The following SMPD4 variants were observed in gnomAD, a reference collection of about 807,000 sequenced individuals.
SMPD4 encodes the protein neutral sphingomyelinase 3.
Under a neutral mutation model 97.8 loss-of-function variants are expected in SMPD4, and 58 were observed. The ratio of observed to expected loss-of-function variants is 0.59; its 90% confidence interval spans 0.48 to 0.74. The LOEUF (loss-of-function observed/expected upper bound fraction) is 0.74. Among genes scored for constraint, SMPD4 ranks in the 30% least tolerant of loss-of-function variants. The probability of loss-of-function intolerance (pLI) is 0.00; values close to 1 mark genes in which losing one functional copy is unlikely to be tolerated. For missense variants in SMPD4, 853 were observed against 1,080.5 expected (o/e 0.79, Z 2.95); for synonymous variants, 388 against 450.0 (o/e 0.86, Z 1.74).
chr2:130,177,143 C>T (rs543913411), intron 1 of SMPD4, among the ~76,000 whole-genome samples: 2 of 152,316 alleles, frequency 1.3e-5, no homozygotes, highest in South Asian at 2.1e-4. Flanking sequence ...TACAGTGGTG[C>T]GATCATAGCT....
chr2:130,161,157 C>T (rs1191867876), intron 11 of SMPD4, 29 bp downstream of exon 11: 5 of 1,607,718 alleles, frequency 3.1e-6, no homozygotes, highest in Non-Finnish European at 3.4e-6. Context: ...GCACTCTGGG[C>T]AGGAGGAAGG....
Position 130,153,326 on chromosome 2 carries a change from C to T in SMPD4, c.2018G>A (p.Arg673Gln), listed in dbSNP as rs765167051. 19 of 1,613,692 alleles carry T rather than the reference C, an allele frequency of 1.2e-5. No individual in the cohort carries two copies. The highest frequency in any genetic ancestry group is 4.5e-5 in the East Asian group (2 of 44,882). The change falls in exon 18 of 20, where the codon CGG becomes CAG. Residue 673 changes from arginine (R) to glutamine (Q), a missense_variant. By Grantham distance (43) the Arg-to-Gln change is conservative. Transcript: ENST00000680298. ...GAGACACGGGCCTCTCACCTGGTAC[C>T]GCCCCAGGGGCGTAAGGATGAGTCC... ...EDGLILTPLG[R>Q]YQIINGLRRF...
Position 130,161,168 on chromosome 2 carries a change from G to A in SMPD4, c.951+18C>T, listed in dbSNP as rs764676498. 3.7e-6 allele frequency: 6 copies of A among 1,610,712 alleles called. 1 individual carries two copies. The South Asian group carries it at 4.4e-5, about 12-fold the overall frequency. ...ACATGCACTCTGGGCAGGAGGAAGG[G>A]AACGAATGAGCCAGTACTTGGTAGG... On this transcript the variant is annotated intron_variant, in intron 11 of 19. Transcript: ENST00000680298.
At chr2:130,181,147 G>A (rs1689562190) in intron 1 of SMPD4, 1 of 567,350 alleles carries the variant, frequency 1.8e-6, no homozygotes, top group African/African-American at 2.0e-5. Flanking sequence ...AAGGCTCGGA[G>A]ATGTGGAGCA....
intron 4 of SMPD4, 31 bp downstream of exon 4, chr2:130,173,483 C>T (rs373961481): frequency 6.3e-7 from 1 of 1,587,668 alleles, no homozygotes; most frequent in South Asian, 1.2e-5. Flanking sequence ...GAGGAATCAC[C>T]CAGCCTCTCT....
intron 1 of SMPD4, among the ~76,000 whole-genome samples, chr2:130,179,376 C>G (rs1176155247): frequency 1.3e-5 from 2 of 152,124 alleles, no homozygotes; most frequent in African/African-American, 4.8e-5. Flanking sequence ...CTGCCTCGGC[C>G]TCCCAAAGTG....
chr2:130,152,637 G>T lies in SMPD4; in HGVS notation c.2402C>A (p.Thr801Lys), dbSNP rs774625579. 1 of 1,559,398 alleles carries T rather than the reference G, an allele frequency of 6.4e-7. No homozygotes were observed. Among genetic ancestry groups the T allele is most frequent in the Non-Finnish European group, 8.7e-7 (1 of 1,152,490 alleles). Reference sequence around the variant, plus strand: ...GACATAGCCCAGGGTGAGCAGCAGCGTGCATGGGAGGGGCCCGACGCAGAA... The same window carrying T: ...GACATAGCCCAGGGTGAGCAGCAGCTTGCATGGGAGGGGCCCGACGCAGAA... ...SLFCVGPLPC[T>K]LLLTLGYVLY... The change falls in exon 20 of 20, where the codon ACG becomes AAG. Residue 801 changes from threonine to lysine, a missense_variant. Around this residue, in one of 3 missense-constraint regions of SMPD4, gnomAD observed 511 missense variants for 608.1 expected, o/e 0.84. Coordinates refer to ENST00000680298, the MANE Select transcript of SMPD4 (RefSeq NM_017951.5).
chr2:130,166,579 T>C (rs1687949238), intron 9 of SMPD4, among the ~76,000 whole-genome samples: 3 of 152,142 alleles, frequency 2.0e-5, no homozygotes, highest in Non-Finnish European at 1.5e-5. Context: ...ACATATAAGA[T>C]GGGAGATAGA....
intron 10 of SMPD4, 47 bp downstream of exon 10, chr2:130,164,327 T>A (rs750484822): frequency 6.6e-7 from 1 of 1,522,692 alleles, no homozygotes; most frequent in African/African-American, 1.4e-5. Context: ...AGCAGCAGGC[T>A]GAGCAGGGTC....
At position 130,161,446 on chromosome 2, in the gene SMPD4, G is replaced by C. The variant is rs199916699; in HGVS notation, c.865-174C>G. 9.2e-5 allele frequency among the ~76,000 whole-genome samples: 14 copies of C among 152,314 alleles called. No individual in the cohort carries two copies. In the East Asian group the frequency reaches 2.7e-3, roughly 29 times the overall value. ...AAAAAACAAAAACAAAGCACGGTCA[G>C]TGACAATCCAAACAATTGCAGTCCC... On this transcript the variant is annotated intron_variant, in intron 10 of 19. Coordinates refer to ENST00000680298, the MANE Select transcript of SMPD4 (RefSeq NM_017951.5).
Position 130,158,321 on chromosome 2 carries a change from T to C in SMPD4, c.952-925A>G, listed in dbSNP as rs1404318091. 6 of 1,047,800 alleles carry C rather than the reference T, an allele frequency of 5.7e-6. No individual in the cohort carries two copies. In the African/African-American group the frequency reaches 1.1e-4, roughly 19 times the overall value. The allele number at this position is 1,047,800 out of a possible 1,614,324, so 64.9% of individuals were successfully genotyped here. A position where few individuals can be genotyped will look rare whatever the true frequency, so the allele number is the denominator to read the frequency against. ...ACAGTCAAGCATATTAGGCCAAACTTTTTTTTTTTTTCTTGAGACAACGTC... is the reference window on the plus strand; with the variant it reads ...ACAGTCAAGCATATTAGGCCAAACTCTTTTTTTTTTTCTTGAGACAACGTC... On this transcript the variant is annotated intron_variant, in intron 11 of 19. Coordinates refer to ENST00000680298, the MANE Select transcript of SMPD4 (RefSeq NM_017951.5).
intron 13 of SMPD4, chr2:130,156,350 C>T: frequency 1.5e-6 from 1 of 656,932 alleles, no homozygotes; most frequent in Non-Finnish European, 2.7e-6. Flanking sequence ...AGAGTACTCC[C>T]TGGTCAGGTA....
chr2:130,164,166 T>G (rs1322320691), intron 10 of SMPD4, among the ~76,000 whole-genome samples: 1 of 152,060 alleles, frequency 6.6e-6, no homozygotes, highest in African/African-American at 2.4e-5. Context: ...GGCCTCAAGT[T>G]TCTACACATC....
At chr2:130,170,249 G>A (rs113648182) in intron 8 of SMPD4, among the ~76,000 whole-genome samples, 146 of 151,740 alleles carry the variant, frequency 9.6e-4, no homozygotes, top group African/African-American at 3.3e-3. Context: ...CACTTTAGGG[G>A]GTCGAGGCAG....
chr2:130,157,545 G>A, intron 11 of SMPD4, 149 bp from the exon 12 acceptor site: 2 of 1,446,572 alleles, frequency 1.4e-6, no homozygotes, highest in Non-Finnish European at 1.9e-6. Context: ...GCCACCCCAT[G>A]GGGCACCACT....
At chr2:130,171,850 G>A (rs1008585476) in intron 8 of SMPD4, among the ~76,000 whole-genome samples, 4 of 152,220 alleles carry the variant, frequency 2.6e-5, no homozygotes, top group African/African-American at 9.6e-5. Flanking sequence ...AGTGCCCACT[G>A]AGGACCCAGG....
intron 1 of SMPD4, among the ~76,000 whole-genome samples, chr2:130,180,131 T>C (rs1335735809): frequency 3.5e-5 from 5 of 144,264 alleles, no homozygotes; most frequent in Non-Finnish European, 1.5e-5. Context: ...GCCCGGCTAA[T>C]TGTTTTTTGT....
chr2:130,164,485 T>G, intron 9 of SMPD4, 40 bp from the exon 10 acceptor site: 8 of 1,559,998 alleles, frequency 5.1e-6, no homozygotes, highest in Non-Finnish European at 7.1e-6. Flanking sequence ...TTCTTGACAA[T>G]GGTGTCAGAC....
intron 11 of SMPD4, 131 bp from the exon 12 acceptor site, chr2:130,157,527 G>A (rs2104819431): frequency 1.3e-6 from 2 of 1,500,154 alleles, no homozygotes; most frequent in African/African-American, 1.4e-5. Context: ...AGCCAGGCCA[G>A]GAGTGGGGCC....
Sources: gnomAD v4.1 joint callset for allele counts (sites outside exome capture counted in the v4.1 genomes callset) on GRCh38, gnomAD v4.1.1 for gene constraint, gnomAD v4.1.1 regional missense constraint, MANE v1.5 for transcripts, NCBI Gene and HGNC (gene_info 2026-07-23, HGNC 2026-07-21) for gene names.